The following TGFBR1 variants were observed in gnomAD, a reference collection of about 807,000 sequenced individuals.
TGFBR1 encodes TGF-beta receptor type-1.
In TGFBR1, 20 loss-of-function variants were observed where a neutral mutation model predicts 55.1. The observed-to-expected ratio is 0.36, with a 90% CI of 0.26 to 0.53. The LOEUF (loss-of-function observed/expected upper bound fraction) is 0.53, where lower values mean the gene tolerates loss of function less well. Among genes scored for constraint, TGFBR1 ranks in the 20% least tolerant of loss-of-function variants. The pLI is 0.91. For missense variants in TGFBR1, 385 were observed against 617.6 expected (o/e 0.62, Z 3.99); for synonymous variants, 220 against 214.8 (o/e 1.02, Z -0.21).
chr9:99,112,459 A>G (rs1302186435), intron 1 of TGFBR1, among the ~76,000 whole-genome samples: 1 of 152,158 alleles, frequency 6.6e-6, no homozygotes. Context: ...ACCTTCTAAC[A>G]TACTGTATTT....
At chr9:99,132,861 T>C in intron 3 of TGFBR1, 122 bp downstream of exon 3, 1 of 1,327,316 alleles carries the variant, frequency 7.5e-7, no homozygotes, top group Non-Finnish European at 1.0e-6. Flanking sequence ...ATATTGCAGG[T>C]TTGAACCTAA....
In TGFBR1 at chr9:99,105,201, G is replaced by C; in HGVS notation, c.-5G>C. 2 of 1,084,956 alleles carry C rather than the reference G, an allele frequency of 1.8e-6. No homozygotes were observed. Among genetic ancestry groups the C allele is most frequent in the Non-Finnish European group, 2.2e-6 (2 of 896,044 alleles). The allele number at this position is 1,084,956 out of a possible 1,614,324, so 67.2% of individuals were successfully genotyped here. A position where few individuals can be genotyped will look rare whatever the true frequency, so the allele number is the denominator to read the frequency against. On this transcript the variant is annotated 5_prime_UTR_variant, in exon 1 of 9. Coordinates refer to ENST00000374994, the MANE Select transcript of TGFBR1 (RefSeq NM_004612.4). ...GGCCGGGCCACAGGCGGTGGCGGCG[G>C]GACCATGGAGGCGGCGGTCGCTGCT...
rs1452890040 is a variant in TGFBR1 at position 99,105,308 on chromosome 9, C to T, written c.97+6C>T. 9.2e-6 allele frequency: 9 copies of T among 981,358 alleles called. No homozygotes were observed. Among genetic ancestry groups the T allele is most frequent in the Non-Finnish European group, 1.1e-5 (9 of 828,844 alleles). 60.8% of individuals were successfully genotyped at this position (981,358 alleles called of 1,614,324 possible). ...GCTGCTCCCGGGGGCGACGGGTGAG[C>T]GGCGGCGCGGCGGGCGGGCGACTGC... On this transcript the variant is annotated splice_donor_region_variant and intron_variant, in intron 1 of 8. Coordinates refer to ENST00000374994, the MANE Select transcript of TGFBR1 (RefSeq NM_004612.4).
At chr9:99,118,643 CTTTT>C (rs749441442) in intron 1 of TGFBR1, among the ~76,000 whole-genome samples, 7 of 129,732 alleles carry the variant, frequency 5.4e-5, no homozygotes, top group Non-Finnish European at 8.3e-5. Context: ...TGTTTTCTTT[CTTTT>C]TTTTTTTTTT....
chr9:99,135,852 CTT>C (rs397954803), intron 3 of TGFBR1, among the ~76,000 whole-genome samples: 19 of 125,930 alleles, frequency 1.5e-4, no homozygotes, highest in Admixed American at 1.7e-4. Flanking sequence ...AAAATTGTTA[CTT>C]TTTTTTTTTT....
rs201737358 is a variant in TGFBR1, at chr9:99,154,058, A to G, written c.*4753A>G. Reference sequence around the variant, plus strand: ...GCTTTGTGAATAGGATTGCTCTCACATTAAAGATAGTTACTTCAATTTGAA... The same window carrying G: ...GCTTTGTGAATAGGATTGCTCTCACGTTAAAGATAGTTACTTCAATTTGAA... On this transcript the variant is annotated 3_prime_UTR_variant, in exon 9 of 9. Coordinates refer to ENST00000374994, the MANE Select transcript of TGFBR1 (RefSeq NM_004612.4). The G allele has an allele frequency of 1.3e-5, 3 of 225,682 alleles. No homozygotes were observed. The highest frequency in any genetic ancestry group is 6.7e-5 in the African/African-American group (3 of 44,876). 14.0% of individuals were successfully genotyped at this position (225,682 alleles called of 1,614,324 possible).
intron 4 of TGFBR1, among the ~76,000 whole-genome samples, chr9:99,139,798 T>C (rs548676870): frequency 6.6e-6 from 1 of 152,264 alleles, no homozygotes; most frequent in East Asian, 1.9e-4. Context: ...ATTTCTCTTA[T>C]GTGTCTTAAA....
At chr9:99,114,808 C>G (rs545334727) in intron 1 of TGFBR1, among the ~76,000 whole-genome samples, 31 of 152,248 alleles carry the variant, frequency 2.0e-4, no homozygotes, top group African/African-American at 7.5e-4. Context: ...GTACTGCTAC[C>G]AAAGGCAGAG....
chr9:99,124,107 C>A (rs868429802), intron 1 of TGFBR1, among the ~76,000 whole-genome samples: 1 of 152,080 alleles, frequency 6.6e-6, no homozygotes, highest in African/African-American at 2.4e-5. Context: ...AGCTTTCTCA[C>A]CCTTATCTAT....
chr9:99,127,729 G>C (rs1381813777), intron 1 of TGFBR1: 2 of 356,504 alleles, frequency 5.6e-6, no homozygotes, highest in Non-Finnish European at 5.5e-6. Context: ...GTCATAGATG[G>C]CCATTCCGTG....
chr9:99,119,581 A>G (rs757163956), intron 1 of TGFBR1, among the ~76,000 whole-genome samples: 2 of 152,198 alleles, frequency 1.3e-5, no homozygotes, highest in Non-Finnish European at 2.9e-5. Context: ...CTTCATCTCT[A>G]AAGGAGCTGG....
intron 2 of TGFBR1, 48 bp from the exon 3 acceptor site, chr9:99,132,461 G>A (rs376852818): frequency 6.2e-7 from 1 of 1,609,838 alleles, no homozygotes; most frequent in Middle Eastern, 1.7e-4. Context: ...GCCACCTACA[G>A]TGTTTTTGTC....
chr9:99,133,996 TAAA>T (rs550064982), intron 3 of TGFBR1, among the ~76,000 whole-genome samples: 10 of 110,622 alleles, frequency 9.0e-5, no homozygotes, highest in Admixed American at 1.9e-4. Context: ...AGACTCCATC[TAAA>T]AAAAAAAAAA....
At chr9:99,131,038 G>A (rs1277806816) in intron 2 of TGFBR1, among the ~76,000 whole-genome samples, 4 of 152,096 alleles carry the variant, frequency 2.6e-5, no homozygotes, top group East Asian at 3.9e-4. Flanking sequence ...GATCCAATAT[G>A]CTTATTATCA....
chr9:99,118,111 C>T (rs1359489080), intron 1 of TGFBR1, among the ~76,000 whole-genome samples: 2 of 151,950 alleles, frequency 1.3e-5, no homozygotes, highest in Non-Finnish European at 1.5e-5. Flanking sequence ...TTTTAAAAAA[C>T]GTTTTCTATT....
intron 3 of TGFBR1, among the ~76,000 whole-genome samples, chr9:99,136,240 T>A (rs1453124980): frequency 6.6e-6 from 1 of 152,230 alleles, no homozygotes. Flanking sequence ...TGCTTTTTAA[T>A]TTTAATTGAC....
intron 4 of TGFBR1, among the ~76,000 whole-genome samples, chr9:99,142,133 C>T (rs1386465093): frequency 1.3e-5 from 2 of 152,036 alleles, no homozygotes; most frequent in Admixed American, 6.6e-5. Context: ...TTCTCACCTC[C>T]TTGCTTCCCT....
chr9:99,112,149 T>G (rs572459516), intron 1 of TGFBR1, among the ~76,000 whole-genome samples: 3 of 152,134 alleles, frequency 2.0e-5, no homozygotes, highest in Non-Finnish European at 4.4e-5. Flanking sequence ...AAAAAGAATG[T>G]CTAATTGTGC....
chr9:99,118,436 T>C (rs925308865), intron 1 of TGFBR1, among the ~76,000 whole-genome samples: 2 of 152,222 alleles, frequency 1.3e-5, no homozygotes, highest in African/African-American at 4.8e-5. Context: ...ATGTAATGCC[T>C]ACTTTTATGC....
Sources: gnomAD v4.1 joint callset for allele counts (sites outside exome capture counted in the v4.1 genomes callset) on GRCh38, gnomAD v4.1.1 for gene constraint, MANE v1.5 for transcripts, NCBI Gene and HGNC (gene_info 2026-07-23, HGNC 2026-07-21) for gene names.